TRPC4: variants seen among roughly 807,000 people sequenced by gnomAD.
TRPC4 encodes transient receptor potential cation channel subfamily C member 4, also known as short transient receptor potential channel 4.
A neutral mutation model predicts 99.4 loss-of-function variants in TRPC4; 49 were observed. The ratio of observed to expected loss-of-function variants is 0.49; its 90% confidence interval spans 0.39 to 0.63. TRPC4 has a LOEUF of 0.63. TRPC4 is among the 20% of genes least tolerant of loss of function. The pLI is 0.00. For missense variants in TRPC4, 898 were observed against 1,152.9 expected, an observed-to-expected ratio of 0.78 and a Z score of 3.20; for synonymous variants, 454 against 425.9, an observed-to-expected ratio of 1.07 and a Z score of -0.81.
intron 8 of TRPC4, among the ~76,000 whole-genome samples, chr13:37,644,872 C>CAAAAAAAAAAAAAAAAAAAAAAAAAAA (rs11446579): frequency 1.2e-5 from 1 of 81,506 alleles, no homozygotes; most frequent in Non-Finnish European, 2.2e-5. Flanking sequence ...GACTCCATCT[C>CAAAAAAAAAAAAAAAAAAAAAAAAAAA]AAAAAAAAAA....
At chr13:37,753,094 T>G (rs576374560) in intron 2 of TRPC4, among the ~76,000 whole-genome samples, 59 of 151,730 alleles carry the variant, frequency 3.9e-4, no homozygotes, top group African/African-American at 1.4e-3. Context: ...GGGAAATTAA[T>G]TTAGAGATTT....
intron 3 of TRPC4, among the ~76,000 whole-genome samples, chr13:37,706,934 CTT>C (rs752695638): frequency 6.6e-5 from 10 of 152,066 alleles, no homozygotes; most frequent in Non-Finnish European, 1.5e-5. Flanking sequence ...CTTCAATTCT[CTT>C]GATACTATTT....
intron 2 of TRPC4, among the ~76,000 whole-genome samples, chr13:37,767,379 T>C (rs890196097): frequency 5.9e-5 from 9 of 151,278 alleles, no homozygotes; most frequent in African/African-American, 1.7e-4. Flanking sequence ...GATATCTGTA[T>C]TTTGTAGAGA....
chr13:37,789,208 G>A (rs769574526), intron 1 of TRPC4, among the ~76,000 whole-genome samples: 4 of 152,034 alleles, frequency 2.6e-5, no homozygotes, highest in African/African-American at 9.7e-5. Context: ...ACTGTCCCAG[G>A]CAAGTTTATT....
chr13:37,829,585 G>A lies in TRPC4; in HGVS notation c.-28+40010C>T, dbSNP rs182224226. ...CAGCCACTTTGGGAAACACTTCAGT[G>A]GTTCCTCAAAAAAATTAAACATAGA... On this transcript the variant is annotated intron_variant, in intron 1 of 10. Coordinates refer to ENST00000379705, the MANE Select transcript of TRPC4 (RefSeq NM_016179.4). Among the ~76,000 whole-genome samples the A allele has an allele frequency of 3.1e-3, 474 of 152,214 alleles. 3 individuals are homozygous for A. The highest frequency in any genetic ancestry group is 0.011 in the African/African-American group (453 of 41,536).
intron 1 of TRPC4, among the ~76,000 whole-genome samples, chr13:37,822,203 C>T (rs1958032769): frequency 6.6e-6 from 1 of 152,054 alleles, no homozygotes; most frequent in Non-Finnish European, 1.5e-5. Context: ...AAAGAAGGCT[C>T]AACATCACAG....
chr13:37,670,275 C>A (rs925052765), intron 5 of TRPC4, among the ~76,000 whole-genome samples: 4 of 152,114 alleles, frequency 2.6e-5, no homozygotes, highest in African/African-American at 9.7e-5. Flanking sequence ...AAGGCTGGCC[C>A]CTATGACAGA....
intron 3 of TRPC4, among the ~76,000 whole-genome samples, chr13:37,700,312 G>A (rs1954063515): frequency 1.3e-5 from 2 of 152,194 alleles, no homozygotes; most frequent in South Asian, 4.1e-4. Flanking sequence ...ATGGTGGATG[G>A]AAAGCAGTGA....
chr13:37,706,561 T>C (rs888845717), intron 3 of TRPC4, among the ~76,000 whole-genome samples: 3 of 152,046 alleles, frequency 2.0e-5, no homozygotes, highest in African/African-American at 2.4e-5. Flanking sequence ...ATGTGCCATG[T>C]TGGTGTGCTG....
intron 6 of TRPC4, among the ~76,000 whole-genome samples, chr13:37,661,309 G>A (rs1026635962): frequency 1.3e-5 from 2 of 152,136 alleles, no homozygotes; most frequent in East Asian, 3.9e-4. Flanking sequence ...TTTGTAATAT[G>A]TTATTACTTA....
chr13:37,746,566 GGTTTT>G, intron 2 of TRPC4, 111 bp from the exon 3 acceptor site: 2 of 807,656 alleles, frequency 2.5e-6, no homozygotes, highest in Non-Finnish European at 3.3e-6. Flanking sequence ...TCCTTGGCCG[GGTTTT>G]TTTTTTTTTG....
chr13:37,857,978 A>G (rs1368300255), intron 1 of TRPC4, among the ~76,000 whole-genome samples: 1 of 151,914 alleles, frequency 6.6e-6, no homozygotes, highest in Non-Finnish European at 1.5e-5. Context: ...GTAAAAAGGC[A>G]ACCCATAGAA....
At chr13:37,835,088 A>G (rs1195781342) in intron 1 of TRPC4, among the ~76,000 whole-genome samples, 1 of 152,018 alleles carries the variant, frequency 6.6e-6, no homozygotes, top group Non-Finnish European at 1.5e-5. Context: ...TCGATGGAAG[A>G]AAAACAAAAC....
chr13:37,678,317 A>G (rs1160245624), intron 4 of TRPC4, among the ~76,000 whole-genome samples: 1 of 152,100 alleles, frequency 6.6e-6, no homozygotes, highest in Non-Finnish European at 1.5e-5. Context: ...TAAATCAATG[A>G]AAACAAAATC....
chr13:37,797,999 A>G (rs977132981), intron 1 of TRPC4, among the ~76,000 whole-genome samples: 16 of 152,176 alleles, frequency 1.1e-4, no homozygotes, highest in Non-Finnish European at 2.1e-4. Flanking sequence ...GATAGTGAAG[A>G]CTACACTTAA....
chr13:37,681,471 T>C (rs1346836518), intron 4 of TRPC4, among the ~76,000 whole-genome samples: 2 of 152,166 alleles, frequency 1.3e-5, no homozygotes, highest in Non-Finnish European at 2.9e-5. Flanking sequence ...TTTTTGTTAT[T>C]GTTCCAGATT....
intron 1 of TRPC4, among the ~76,000 whole-genome samples, chr13:37,844,533 G>T (rs531976850): frequency 6.6e-6 from 1 of 152,082 alleles, no homozygotes; most frequent in East Asian, 1.9e-4. Flanking sequence ...GACCTCAGGC[G>T]ATTCACCTGT....
At chr13:37,743,684 C>T (rs1955659148) in intron 3 of TRPC4, among the ~76,000 whole-genome samples, 1 of 152,036 alleles carries the variant, frequency 6.6e-6, no homozygotes, top group African/African-American at 2.4e-5. Flanking sequence ...GAAATTAATG[C>T]ATGACCAAAG....
intron 1 of TRPC4, among the ~76,000 whole-genome samples, chr13:37,814,588 A>G (rs553518540): frequency 2.0e-5 from 3 of 151,964 alleles, no homozygotes; most frequent in South Asian, 4.1e-4. Flanking sequence ...ATATTTAGGT[A>G]TATGTTTAAG....
Sources: allele counts gnomAD v4.1 joint callset (sites outside exome capture counted in the v4.1 genomes callset), GRCh38; gene constraint gnomAD v4.1.1; transcripts MANE v1.5; gene names NCBI Gene and HGNC (gene_info 2026-07-23, HGNC 2026-07-21).